Variants in FBXW7 observed in about 807,000 individuals in gnomAD.
The protein encoded by FBXW7 is F-box/WD repeat-containing protein 7.
In FBXW7, 11 loss-of-function variants were observed where a neutral mutation model predicts 86.3. The ratio of observed to expected loss-of-function variants is 0.13; its 90% CI spans 0.08 to 0.21. FBXW7 has a LOEUF of 0.21. FBXW7 is among the 10% of genes least tolerant of loss of function. The probability of loss-of-function intolerance (pLI) is 1.00; values close to 1 mark genes in which losing one functional copy is unlikely to be tolerated. For synonymous variants in FBXW7, 313 were observed against 297.9 expected (o/e 1.05, Z -0.52); for missense variants, 488 against 847.4 (o/e 0.58, Z 5.27).
intron 4 of FBXW7, among the ~76,000 whole-genome samples, chr4:152,353,199 TC>T (rs1390493508): frequency 6.6e-6 from 1 of 152,190 alleles, no homozygotes; most frequent in African/African-American, 2.4e-5. Flanking sequence ...ATTTTCACTG[TC>T]ATCCTACCGT....
intron 4 of FBXW7, among the ~76,000 whole-genome samples, chr4:152,363,504 A>G (rs532506507): frequency 3.2e-4 from 49 of 152,340 alleles, no homozygotes; most frequent in African/African-American, 1.2e-3. Context: ...GGAAGAGATA[A>G]TATTTTCAAG....
intron 4 of FBXW7, among the ~76,000 whole-genome samples, chr4:152,394,801 A>G (rs758824056): frequency 9.9e-5 from 15 of 152,184 alleles, no homozygotes; most frequent in Middle Eastern, 3.4e-3. Flanking sequence ...GGTAGATGCT[A>G]CTACCGTCCC....
intron 4 of FBXW7, among the ~76,000 whole-genome samples, chr4:152,393,139 C>A (rs1321588312): frequency 6.6e-6 from 1 of 151,998 alleles, no homozygotes. Context: ...ATGTGCCCAG[C>A]AAAGCCATTT....
In FBXW7 at chr4:152,451,496, A is replaced by C. The variant is rs116293360; in HGVS notation, c.-119-38967T>G. On this transcript the variant is annotated intron_variant, in intron 2 of 13. Coordinates refer to ENST00000281708, the MANE Select transcript of FBXW7 (RefSeq NM_001349798.2). ...AAGCTAATTTTTATAGTTCCCCTAA[A>C]GGTAAAAATGTATCAAATAAGAATC... is the stretch of plus-strand genomic sequence containing the variant. 5.7e-3 allele frequency among the ~76,000 whole-genome samples: 875 copies of C among 152,292 alleles called. 6 individuals are homozygous for C. Among genetic ancestry groups the C allele is most frequent in the Non-Finnish European group, 8.9e-3 (606 of 68,016 alleles).
intron 11 of FBXW7, among the ~76,000 whole-genome samples, chr4:152,327,057 C>T (rs1233027271): frequency 2.0e-5 from 3 of 151,966 alleles, no homozygotes; most frequent in Non-Finnish European, 4.4e-5. Context: ...GATTACAAAA[C>T]AAAGCTGAAA....
intron 2 of FBXW7, among the ~76,000 whole-genome samples, chr4:152,478,740 G>A (rs1435523008): frequency 1.3e-5 from 2 of 152,010 alleles, no homozygotes; most frequent in African/African-American, 4.8e-5. Context: ...GCTATTTTCT[G>A]TGTCTTTGCT....
chr4:152,326,336 T>G, intron 11 of FBXW7, 105 bp from the exon 12 acceptor site: 2 of 246,636 alleles, frequency 8.1e-6, no homozygotes, highest in Non-Finnish European at 1.3e-5. Context: ...TTTTTTAGCT[T>G]TTTTTTTTTT....
chr4:152,486,988 A>C (rs771987724), intron 2 of FBXW7, among the ~76,000 whole-genome samples: 2 of 152,194 alleles, frequency 1.3e-5, no homozygotes, highest in Non-Finnish European at 2.9e-5. Context: ...CATGGGATCA[A>C]TGTCGTATAT....
chr4:152,352,440 C>T (rs1187808974), intron 4 of FBXW7: 2 of 1,613,254 alleles, frequency 1.2e-6, no homozygotes. Flanking sequence ...CACACAATCA[C>T]ATAGCATAGG....
chr4:152,425,699 A>G (rs1739321428), intron 2 of FBXW7, among the ~76,000 whole-genome samples: 1 of 152,170 alleles, frequency 6.6e-6, no homozygotes. Flanking sequence ...CTGGGAGCTA[A>G]GCATAGGCTA....
chr4:152,400,126 G>A (rs558653844), intron 4 of FBXW7, among the ~76,000 whole-genome samples: 1 of 152,308 alleles, frequency 6.6e-6, no homozygotes, highest in African/African-American at 2.4e-5. Flanking sequence ...GAACAGAATA[G>A]AGAGACCAGA....
At chr4:152,471,211 G>T (rs1212055172) in intron 2 of FBXW7, among the ~76,000 whole-genome samples, 1 of 151,520 alleles carries the variant, frequency 6.6e-6, no homozygotes, top group Non-Finnish European at 1.5e-5. Flanking sequence ...AGATATATTA[G>T]AGACCTATAT....
chr4:152,426,571 A>G (rs952287281), intron 2 of FBXW7, among the ~76,000 whole-genome samples: 6 of 152,140 alleles, frequency 3.9e-5, no homozygotes, highest in Non-Finnish European at 7.4e-5. Context: ...GGCTGGTCTC[A>G]AACTCCTGAC....
chr4:152,328,333 G>C lies in FBXW7; in HGVS notation c.1293C>G (p.Asp431Glu), dbSNP rs1729246703. The change falls in exon 11 of 14, where the codon GAC (aspartate) becomes GAG (glutamate). Residue 431 changes from aspartate (D) to glutamate (E), a missense_variant. Transcript: ENST00000281708. ...TGGVWSSQMRDNIIISGSTDR... is the reference protein window; with the variant it reads ...TGGVWSSQMRENIIISGSTDR... Reference sequence around the variant, plus strand: ...CTGTAGATCCACTAATGATGATGTTGTCTCTCATTTGTGATGACCATACTC... The same window carrying C: ...CTGTAGATCCACTAATGATGATGTTCTCTCTCATTTGTGATGACCATACTC... 5 of 1,590,996 alleles carry C rather than the reference G, an allele frequency of 3.1e-6. No individual in the cohort carries two copies. The highest frequency in any genetic ancestry group is 1.4e-5 in the African/African-American group (1 of 73,196).
intron 6 of FBXW7, among the ~76,000 whole-genome samples, chr4:152,345,093 G>C (rs1354099487): frequency 2.0e-5 from 3 of 152,026 alleles, no homozygotes; most frequent in Admixed American, 2.0e-4. Flanking sequence ...TACCTCTTTG[G>C]CTTAATCAGA....
rs948405432 is a variant in FBXW7, at chr4:152,332,709, T to C, written c.872A>G (p.Tyr291Cys). Residue 291 changes from tyrosine to cysteine, a missense_variant, in exon 8 of 14, where the codon TAT becomes TGT. Physicochemically the swap from Tyr to Cys is radical, Grantham distance 194. Coordinates refer to ENST00000281708, the MANE Select transcript of FBXW7 (RefSeq NM_001349798.2). ...ISLLPKELAL[Y>C]VLSFLEPKDL... ...TTTGGGTTCCAGGAATGAAAGCACA[T>C]AGAGTGCCAACTAAGAAAAAAATGC... is the stretch of plus-strand genomic sequence containing the variant. 8.2e-6 allele frequency: 13 copies of C among 1,581,992 alleles called. No homozygotes were observed. Among genetic ancestry groups the C allele is most frequent in the African/African-American group, 4.0e-5 (3 of 74,174 alleles).
chr4:152,352,986 T>G, intron 4 of FBXW7: 1 of 1,304,748 alleles, frequency 7.7e-7, no homozygotes, highest in Non-Finnish European at 9.7e-7. Context: ...AGAGGGAGGA[T>G]GTGGGCAGCA....
intron 2 of FBXW7, among the ~76,000 whole-genome samples, chr4:152,497,209 G>A (rs1039041016): frequency 2.0e-5 from 3 of 150,604 alleles, no homozygotes; most frequent in Non-Finnish European, 4.4e-5. Context: ...TATAATCCCA[G>A]CTACTCAGGA....
chr4:152,525,823 T>TAATG (rs57926171), intron 2 of FBXW7, among the ~76,000 whole-genome samples: 57,744 of 151,696 alleles, frequency 0.38, 11,731 homozygotes, highest in African/African-American at 0.53. Flanking sequence ...TACCCATTAG[T>TAATG]AATGGGATTG....
Sources: allele counts gnomAD v4.1 joint callset (sites outside exome capture counted in the v4.1 genomes callset), GRCh38; gene constraint gnomAD v4.1.1; transcripts MANE v1.5; gene names NCBI Gene and HGNC (gene_info 2026-07-23, HGNC 2026-07-21).